SMUG1: variants seen among roughly 807,000 people sequenced by gnomAD.
The protein encoded by SMUG1 is single-strand-selective monofunctional uracil-DNA glycosylase 1, also known as single-strand selective monofunctional uracil DNA glycosylase.
In SMUG1, 13 loss-of-function variants were observed where a neutral mutation model predicts 23.9. The observed-to-expected ratio is 0.54, with a 90% confidence interval of 0.35 to 0.86. The LOEUF (loss-of-function observed/expected upper bound fraction) is 0.86, where lower values mean the gene tolerates loss of function less well. SMUG1 is among the 40% of genes least tolerant of loss of function. SMUG1 has a pLI of 0.01. For synonymous variants in SMUG1, 133 were observed against 139.8 expected (o/e 0.95, Z 0.34); for missense variants, 313 against 339.5 (o/e 0.92, Z 0.61).
downstream of SMUG1, among the ~76,000 whole-genome samples, chr12:54,159,892 G>T (rs1347425230): frequency 6.6e-6 from 1 of 152,246 alleles, no homozygotes; most frequent in Non-Finnish European, 1.5e-5. Flanking sequence ...ACTGACCAGG[G>T]TACATTACCA....
chr12:54,188,251 T>A (rs1358231863), intron 1 of SMUG1, among the ~76,000 whole-genome samples: 2 of 147,120 alleles, frequency 1.4e-5, no homozygotes, highest in Admixed American at 6.8e-5. Context: ...GGGACAATAA[T>A]AAATATCCTT....
intron 3 of SMUG1, among the ~76,000 whole-genome samples, chr12:54,170,904 T>C (rs1023625458): frequency 8.8e-5 from 13 of 147,858 alleles, no homozygotes; most frequent in Non-Finnish European, 2.0e-4. Flanking sequence ...GCCCCTTTTG[T>C]TTCTTAATCC....
At chr12:54,166,231 G>T (rs1392547445) in intron 3 of SMUG1, among the ~76,000 whole-genome samples, 1 of 152,080 alleles carries the variant, frequency 6.6e-6, no homozygotes, top group Non-Finnish European at 1.5e-5. Flanking sequence ...CGTGGTGGCG[G>T]GAGCCTGTGA....
At position 54,183,952 on chromosome 12, in the gene SMUG1, G is replaced by T; in HGVS notation, c.-12C>A. 6.6e-7 allele frequency: 1 copy of T among 1,515,410 alleles called. No individual in the cohort carries two copies. 93.9% of individuals were successfully genotyped at this position (1,515,410 alleles called of 1,614,324 possible). ...AAAGCCTGGGGCATATGTCCATGCC[G>T]CTGTCACCTGGGAAAAGAGATGGAC... On this transcript the variant is annotated 5_prime_UTR_variant, in exon 3 of 4. Transcript: ENST00000682136.
chr12:54,165,742 G>T (rs771394559), intron 3 of SMUG1, among the ~76,000 whole-genome samples: 1 of 152,020 alleles, frequency 6.6e-6, no homozygotes, highest in Non-Finnish European at 1.5e-5. Flanking sequence ...GAAAGAACAA[G>T]AACAGATAAA....
intron 3 of SMUG1, chr12:54,168,505 C>T (rs1454205478): frequency 6.6e-6 from 1 of 152,188 alleles, no homozygotes; most frequent in Non-Finnish European, 1.5e-5. Context: ...CTCTAAAGAA[C>T]CAGAAATGCC....
At chr12:54,166,170 G>A (rs1204533180) in intron 3 of SMUG1, among the ~76,000 whole-genome samples, 2 of 152,208 alleles carry the variant, frequency 1.3e-5, no homozygotes, top group African/African-American at 4.8e-5. Context: ...AGACCAGCCT[G>A]GCCAACATGG....
chr12:54,159,408 G>A (rs1043356763), intron 4 of SMUG1, among the ~76,000 whole-genome samples: 6 of 152,236 alleles, frequency 3.9e-5, no homozygotes, highest in Non-Finnish European at 7.4e-5. Context: ...CAGCAGGAGA[G>A]TCAGGGCTGT....
intron 2 of SMUG1, among the ~76,000 whole-genome samples, chr12:54,173,660 C>T (rs1172893044): frequency 6.6e-6 from 1 of 152,210 alleles, no homozygotes; most frequent in Admixed American, 6.5e-5. Flanking sequence ...GGGGCCAGAG[C>T]GGCCGCCCGC....
chr12:54,161,601 T>C (rs1168777951), downstream of SMUG1, among the ~76,000 whole-genome samples: 1 of 152,228 alleles, frequency 6.6e-6, no homozygotes, highest in Non-Finnish European at 1.5e-5. The surrounding 1 kb of genome is among the most constrained non-coding windows in gnomAD (Gnocchi z 4.2). Flanking sequence ...TGTTCTTCCA[T>C]CTTTGCCTAT....
chr12:54,168,207 G>A (rs1940532965), intron 3 of SMUG1: 1 of 152,204 alleles, frequency 6.6e-6, no homozygotes, highest in African/African-American at 2.4e-5. Context: ...TTAAACTAGT[G>A]ACCTTGGACC....
intron 2 of SMUG1, chr12:54,173,158 G>C (rs567551371): frequency 1.1e-4 from 17 of 153,980 alleles, no homozygotes; most frequent in African/African-American, 4.1e-4. Flanking sequence ...AGGGGTCAAA[G>C]TCAGAGGCAG....
intron 3 of SMUG1, chr12:54,183,388 G>C (rs1368967844): frequency 3.5e-6 from 2 of 569,750 alleles, no homozygotes; most frequent in African/African-American, 3.8e-5. Flanking sequence ...GTAAGGATGG[G>C]GCTGGCGGAA....
At chr12:54,167,441 G>A (rs1222358515) in intron 3 of SMUG1, among the ~76,000 whole-genome samples, 1 of 152,136 alleles carries the variant, frequency 6.6e-6, no homozygotes, top group Non-Finnish European at 1.5e-5. Flanking sequence ...TTCAAAGCCT[G>A]ACCAAGCCTC....
chr12:54,170,906 T>G (rs1340496961), intron 3 of SMUG1, among the ~76,000 whole-genome samples: 1 of 151,754 alleles, frequency 6.6e-6, no homozygotes, highest in Non-Finnish European at 1.5e-5. Flanking sequence ...CCCTTTTGTT[T>G]CTTAATCCCA....
In SMUG1 at chr12:54,181,348, CAAG is replaced by C. The variant is rs751534396; in HGVS notation, c.*745_*747del. 18 of 589,470 alleles carry C rather than the reference CAAG, an allele frequency of 3.1e-5. No individual in the cohort carries two copies. Among genetic ancestry groups the C allele is most frequent in the Admixed American group, 8.9e-5 (3 of 33,722 alleles). The allele number at this position is 589,470 out of a possible 1,614,324, so 36.5% of individuals were successfully genotyped here. On this transcript the variant is annotated 3_prime_UTR_variant, in exon 4 of 4. Coordinates refer to ENST00000682136, the MANE Select transcript of SMUG1 (RefSeq NM_001243787.2). Reference sequence around the variant, plus strand: ...AATCCTCAACCCAGAGGCAAGAAAACAAGAAGACTATGTAATGAGCACCCACAT... The same window carrying C: ...AATCCTCAACCCAGAGGCAAGAAAACAAGACTATGTAATGAGCACCCACAT...
chr12:54,163,590 G>C (rs941294916), downstream of SMUG1, among the ~76,000 whole-genome samples: 2 of 152,176 alleles, frequency 1.3e-5, no homozygotes, highest in African/African-American at 4.8e-5. Flanking sequence ...CCAAGATGAT[G>C]TTTAAAGAAA....
In SMUG1 at chr12:54,185,242, T is replaced by C. The variant is rs568683608; in HGVS notation, c.-19-1283A>G. 5.4e-5 allele frequency among the ~76,000 whole-genome samples: 8 copies of C among 148,746 alleles called. No individual in the cohort carries two copies. The South Asian group carries it at 1.7e-3, about 32-fold the overall frequency. On this transcript the variant is annotated intron_variant, in intron 2 of 3. Coordinates refer to ENST00000682136, the MANE Select transcript of SMUG1 (RefSeq NM_001243787.2). ...ATCATTTGAACCTGAAAGGTGGAGG[T>C]TGCGGTGAGCCAAGATCGTGCCATT... is the stretch of plus-strand genomic sequence containing the variant.
intron 4 of SMUG1, chr12:54,165,118 T>C (rs1940404274): frequency 2.0e-5 from 3 of 152,216 alleles, no homozygotes; most frequent in African/African-American, 7.2e-5. Context: ...CATCTTCTCA[T>C]GTCCTCCCTT....
Sources: allele counts gnomAD v4.1 joint callset (sites outside exome capture counted in the v4.1 genomes callset), GRCh38; gene constraint gnomAD v4.1.1; non-coding constraint Gnocchi (gnomAD v3.1); transcripts MANE v1.5; gene names NCBI Gene and HGNC (gene_info 2026-07-23, HGNC 2026-07-21).